WDPCP: variants seen among roughly 807,000 people sequenced by gnomAD.
WDPCP encodes WD repeat containing planar cell polarity effector.
Under a neutral mutation model 93.1 loss-of-function variants are expected in WDPCP, and 71 were observed. The ratio of observed to expected loss-of-function variants is 0.76; its 90% confidence interval spans 0.63 to 0.93. The LOEUF (loss-of-function observed/expected upper bound fraction) is 0.93, where lower values mean the gene tolerates loss of function less well. Ranked by LOEUF, WDPCP falls within the 40% of genes least tolerant of loss-of-function variation. WDPCP has a pLI of 0.00. For missense variants in WDPCP, 844 were observed against 887.4 expected (o/e 0.95, Z 0.62); for synonymous variants, 315 against 315.0 (o/e 1.00, Z 0.00).
rs1472975638 is a variant in WDPCP at position 63,121,968 on chromosome 2, T to G, written c.*38A>C. On this transcript the variant is annotated 3_prime_UTR_variant, in exon 18 of 18. Coordinates refer to ENST00000272321, the MANE Select transcript of WDPCP (RefSeq NM_015910.7). ...AGTCTGTATCAGGCCATGAAAAGTT[T>G]AGATATGAAGAAGGCAGTTTTCTTT... 6.2e-7 allele frequency: 1 copy of G among 1,612,452 alleles called. No individual in the cohort carries two copies. Among genetic ancestry groups the G allele is most frequent in the East Asian group, 2.2e-5 (1 of 44,734 alleles).
At chr2:63,409,499 C>A (rs1694866368) in intron 9 of WDPCP, among the ~76,000 whole-genome samples, 1 of 152,088 alleles carries the variant, frequency 6.6e-6, no homozygotes, top group Admixed American at 6.5e-5. Context: ...CTCTTTAGTA[C>A]CCCCAAAAGA....
intron 17 of WDPCP, among the ~76,000 whole-genome samples, chr2:63,140,040 A>G (rs528037743): frequency 2.4e-4 from 37 of 152,296 alleles, no homozygotes; most frequent in Middle Eastern, 6.8e-3. Context: ...TGGCTAGCCA[A>G]TTATCCCAGC....
At chr2:63,145,031 G>A (rs943142730) in intron 17 of WDPCP, among the ~76,000 whole-genome samples, 2 of 152,112 alleles carry the variant, frequency 1.3e-5, no homozygotes, top group Admixed American at 1.3e-4. Context: ...TTTCTCTTCT[G>A]GGTCTAGCTA....
intron 6 of WDPCP, among the ~76,000 whole-genome samples, chr2:63,481,619 T>G (rs1700270023): frequency 6.6e-6 from 1 of 152,110 alleles, no homozygotes; most frequent in Admixed American, 6.6e-5. Flanking sequence ...CAGACCATTA[T>G]TCTAAGTGAA....
At chr2:63,160,171 A>G (rs1672548405) in intron 15 of WDPCP, among the ~76,000 whole-genome samples, 1 of 152,162 alleles carries the variant, frequency 6.6e-6, no homozygotes. Flanking sequence ...AGCTGCATTC[A>G]ATGGGTGAGA....
intron 6 of WDPCP, among the ~76,000 whole-genome samples, chr2:63,445,275 G>T (rs1186465857): frequency 6.6e-6 from 1 of 151,972 alleles, no homozygotes; most frequent in Non-Finnish European, 1.5e-5. Flanking sequence ...AAAAGAACAA[G>T]AAATAAACAA....
intron 13 of WDPCP, among the ~76,000 whole-genome samples, chr2:63,261,866 A>G (rs1681661498): frequency 6.6e-6 from 1 of 152,136 alleles, no homozygotes; most frequent in Admixed American, 6.5e-5. Flanking sequence ...ACTTTTGGTA[A>G]ATCTCCCTAA....
At chr2:63,293,668 A>G (rs917155736) in intron 13 of WDPCP, among the ~76,000 whole-genome samples, 1 of 152,210 alleles carries the variant, frequency 6.6e-6, no homozygotes, top group Non-Finnish European at 1.5e-5. Context: ...AAATGAAAAC[A>G]TCAATAAAAA....
intron 2 of WDPCP, among the ~76,000 whole-genome samples, chr2:63,743,742 T>A (rs1669757303): frequency 6.6e-6 from 1 of 152,090 alleles, no homozygotes; most frequent in South Asian, 2.1e-4. Context: ...TAAAAGCTTT[T>A]TAAAAAAAAT....
At chr2:63,142,651 G>T (rs1671159876) in intron 17 of WDPCP, among the ~76,000 whole-genome samples, 1 of 152,038 alleles carries the variant, frequency 6.6e-6, no homozygotes, top group South Asian at 2.1e-4. Flanking sequence ...TTTGTTTTAA[G>T]GTATAGTTTA....
intron 13 of WDPCP, among the ~76,000 whole-genome samples, chr2:63,303,414 A>C (rs1386409158): frequency 6.6e-6 from 1 of 152,200 alleles, no homozygotes; most frequent in Non-Finnish European, 1.5e-5. Flanking sequence ...GAATAAATTT[A>C]GTCTCACCCC....
At chr2:63,367,509 A>T (rs1691010083) in intron 12 of WDPCP, among the ~76,000 whole-genome samples, 1 of 152,282 alleles carries the variant, frequency 6.6e-6, no homozygotes, top group African/African-American at 2.4e-5. Flanking sequence ...ACACACACAA[A>T]TACAACGTTT....
intron 12 of WDPCP, among the ~76,000 whole-genome samples, chr2:63,358,961 G>T (rs1385862257): frequency 6.6e-6 from 1 of 152,030 alleles, no homozygotes; most frequent in Non-Finnish European, 1.5e-5. Flanking sequence ...ACTTAGACTT[G>T]ACATATTTCA....
At chr2:63,315,974 G>T (rs148902987) in intron 12 of WDPCP, among the ~76,000 whole-genome samples, 1 of 151,970 alleles carries the variant, frequency 6.6e-6, no homozygotes, top group Non-Finnish European at 1.5e-5. Context: ...TGTTGCCCAG[G>T]CTGGTTTTGA....
intron 12 of WDPCP, among the ~76,000 whole-genome samples, chr2:63,329,397 C>T (rs185837452): frequency 1.2e-3 from 180 of 152,026 alleles, no homozygotes; most frequent in Non-Finnish European, 2.2e-3. Flanking sequence ...ATGTACATAC[C>T]GCACTTTTTT....
intron 3 of WDPCP, among the ~76,000 whole-genome samples, chr2:63,607,931 C>A (rs909474678): frequency 6.6e-6 from 1 of 151,384 alleles, no homozygotes; most frequent in African/African-American, 2.4e-5. Context: ...CAGGGGAAGG[C>A]AGTAAGGCTA....
At chr2:63,712,491 A>G (rs2103756222) in intron 2 of WDPCP, among the ~76,000 whole-genome samples, 1 of 152,340 alleles carries the variant, frequency 6.6e-6, no homozygotes, top group South Asian at 2.1e-4. Flanking sequence ...AACTAGCCTA[A>G]TATCTTAAAG....
Position 63,484,969 on chromosome 2 carries a change from G to C in WDPCP, c.272C>G (p.Thr91Arg). Residue 91 changes from threonine to arginine, a missense_variant, in exon 5 of 18, where the codon ACG becomes AGG. Physicochemically the swap from Thr to Arg is moderately conservative, Grantham distance 71. Transcript: ENST00000272321. ...KLAESRDYPW[T>R]LKNRRPEKLR... ...TTTTTCTGGGCGTCTGTTTTTGAGC[G>C]TCCAAGGATAATCTCGTGCTGGCAA... 1 of 1,612,498 alleles carries C rather than the reference G, an allele frequency of 6.2e-7. No individual in the cohort carries two copies. The highest frequency in any genetic ancestry group is 8.5e-7 in the Non-Finnish European group (1 of 1,179,008).
intron 1 of WDPCP, among the ~76,000 whole-genome samples, chr2:63,825,258 C>T (rs10865343): frequency 0.26 from 39,238 of 151,920 alleles, 6,310 homozygotes; most frequent in East Asian, 0.79. Flanking sequence ...CACTCTGCCT[C>T]GCTAGTGGGT....
Sources: allele counts gnomAD v4.1 joint callset (sites outside exome capture counted in the v4.1 genomes callset), GRCh38; gene constraint gnomAD v4.1.1; transcripts MANE v1.5; gene names NCBI Gene and HGNC (gene_info 2026-07-23, HGNC 2026-07-21).